The following AMPH variants were observed in gnomAD, a reference collection of about 807,000 sequenced individuals.
AMPH encodes the protein amphiphysin.
AMPH carries 49 observed loss-of-function variants against 99.1 expected under a neutral mutation model. That is an observed-to-expected ratio of 0.49 (90% CI 0.39 to 0.63). The LOEUF is 0.63. Among genes scored for constraint, AMPH ranks in the 20% least tolerant of loss-of-function variants. AMPH has a pLI of 0.00. For missense variants in AMPH, 759 were observed against 863.4 expected (o/e 0.88, Z 1.52); for synonymous variants, 314 against 317.3 (o/e 0.99, Z 0.11).
intron 4 of AMPH, among the ~76,000 whole-genome samples, chr7:38,492,613 C>T (rs1028080377): frequency 6.6e-5 from 10 of 152,192 alleles, no homozygotes; most frequent in Non-Finnish European, 1.5e-4. Flanking sequence ...AAAGGCTCAA[C>T]TGCTGACGTG....
chr7:38,452,541 T>G, intron 11 of AMPH, among the ~76,000 whole-genome samples: 1 of 152,252 alleles, frequency 6.6e-6, no homozygotes, highest in East Asian at 1.9e-4. Flanking sequence ...TAAGCACTCA[T>G]GTGTATGTGT....
At chr7:38,453,342 T>C (rs960123250) in intron 11 of AMPH, among the ~76,000 whole-genome samples, 1 of 152,156 alleles carries the variant, frequency 6.6e-6, no homozygotes, top group Non-Finnish European at 1.5e-5. Flanking sequence ...CCCAGCAGCC[T>C]TGGGGTTATG....
chr7:38,619,434 C>T (rs1256305826), intron 1 of AMPH, among the ~76,000 whole-genome samples: 5 of 152,184 alleles, frequency 3.3e-5, no homozygotes, highest in Admixed American at 2.6e-4. Flanking sequence ...AAGAAATAGA[C>T]AATTCAACAA....
intron 1 of AMPH, among the ~76,000 whole-genome samples, chr7:38,630,404 G>A (rs1228644833): frequency 6.6e-6 from 1 of 152,172 alleles, no homozygotes; most frequent in East Asian, 1.9e-4. Flanking sequence ...GGCTGTGCTT[G>A]CTACGGACCT....
At chr7:38,422,532 A>G (rs567854732) in intron 15 of AMPH, 55 bp from the exon 16 acceptor site, 3 of 1,369,098 alleles carry the variant, frequency 2.2e-6, no homozygotes, top group African/African-American at 2.9e-5. Flanking sequence ...TAAATCAGCT[A>G]CCATCAATTG....
intron 17 of AMPH, among the ~76,000 whole-genome samples, chr7:38,401,240 C>T (rs1192111483): frequency 6.6e-6 from 1 of 152,158 alleles, no homozygotes; most frequent in Non-Finnish European, 1.5e-5. Flanking sequence ...AAATACTAAA[C>T]ACTGCTCTAT....
At chr7:38,592,304 C>T (rs1176255707) in intron 1 of AMPH, among the ~76,000 whole-genome samples, 2 of 152,152 alleles carry the variant, frequency 1.3e-5, no homozygotes, top group South Asian at 4.1e-4. Context: ...AGTTTTGGGG[C>T]CAGTTTATGG....
intron 2 of AMPH, among the ~76,000 whole-genome samples, chr7:38,516,538 G>A (rs1190080042): frequency 6.6e-6 from 1 of 152,204 alleles, no homozygotes; most frequent in Non-Finnish European, 1.5e-5. Context: ...CCTGGTCCAG[G>A]CAGAATTTTG....
In AMPH at chr7:38,429,673, C is replaced by T. The variant is rs951766899; in HGVS notation, c.1182+169G>A. 9.9e-6 allele frequency: 13 copies of T among 1,310,656 alleles called. No individual in the cohort carries two copies. In the African/African-American group the frequency reaches 1.6e-4, roughly 17 times the overall value. 81.2% of individuals were successfully genotyped at this position (1,310,656 alleles called of 1,614,324 possible). A position where few individuals can be genotyped will look rare whatever the true frequency, so the allele number is the denominator to read the frequency against. On this transcript the variant is annotated intron_variant, in intron 14 of 20. Coordinates refer to ENST00000356264, the MANE Select transcript of AMPH (RefSeq NM_001635.4). ...GATGAGAAACACAAAGCTCTTCAGG[C>T]GAGTAGCACCAGTAAAACCAAACTG...
chr7:38,418,289 C>T (rs934945891), intron 16 of AMPH, among the ~76,000 whole-genome samples: 1 of 151,430 alleles, frequency 6.6e-6, no homozygotes, highest in Non-Finnish European at 1.5e-5. Context: ...TGCTATTTTC[C>T]AGAGAGAGAG....
chr7:38,486,573 C>T (rs73120287), intron 5 of AMPH, among the ~76,000 whole-genome samples: 3,936 of 152,136 alleles, frequency 0.026, 74 homozygotes, highest in Admixed American at 0.054. Context: ...GAGAACACTT[C>T]AAACCTCATT....
At chr7:38,575,007 T>C (rs565461553) in intron 1 of AMPH, among the ~76,000 whole-genome samples, 1 of 144,936 alleles carries the variant, frequency 6.9e-6, no homozygotes, top group Non-Finnish European at 1.5e-5. Context: ...TGAGCCAAGA[T>C]TGCGCCACTG....
intron 1 of AMPH, among the ~76,000 whole-genome samples, chr7:38,574,247 T>C (rs1212241152): frequency 4.6e-5 from 7 of 152,196 alleles, no homozygotes; most frequent in Non-Finnish European, 1.0e-4. Flanking sequence ...GATGAAGCAG[T>C]CTGTTATTCC....
chr7:38,473,855 T>C (rs1407231649), intron 7 of AMPH, among the ~76,000 whole-genome samples: 1 of 151,370 alleles, frequency 6.6e-6, no homozygotes, highest in Non-Finnish European at 1.5e-5. Context: ...ACTAAATAAA[T>C]TCAAATCATA....
At chr7:38,484,109 T>C (rs1314928729) in intron 5 of AMPH, among the ~76,000 whole-genome samples, 1 of 151,912 alleles carries the variant, frequency 6.6e-6, no homozygotes, top group Non-Finnish European at 1.5e-5. Flanking sequence ...TGAAAACAGT[T>C]TAAGGGATTT....
chr7:38,413,214 C>A (rs975173027), intron 17 of AMPH, among the ~76,000 whole-genome samples: 1 of 152,112 alleles, frequency 6.6e-6, no homozygotes, highest in East Asian at 1.9e-4. Context: ...TCATGGGAAA[C>A]TTTTAAGGTG....
intron 2 of AMPH, among the ~76,000 whole-genome samples, chr7:38,520,245 C>T (rs1789906012): frequency 6.6e-6 from 1 of 152,168 alleles, no homozygotes; most frequent in Non-Finnish European, 1.5e-5. Context: ...AAACCATCTA[C>T]ATTCCAGGAA....
chr7:38,584,865 A>C (rs1305443598), intron 1 of AMPH, among the ~76,000 whole-genome samples: 1 of 152,206 alleles, frequency 6.6e-6, no homozygotes, highest in Non-Finnish European at 1.5e-5. Context: ...TCGGGCTTGA[A>C]TCCAGTGTGC....
chr7:38,570,088 A>T (rs1192096840), intron 1 of AMPH, among the ~76,000 whole-genome samples: 3 of 152,182 alleles, frequency 2.0e-5, no homozygotes, highest in Non-Finnish European at 4.4e-5. Context: ...TGCCTTAACG[A>T]GTCCTGGAAT....
Sources: gnomAD v4.1 joint callset for allele counts (sites outside exome capture counted in the v4.1 genomes callset) on GRCh38, gnomAD v4.1.1 for gene constraint, MANE v1.5 for transcripts, NCBI Gene and HGNC (gene_info 2026-07-23, HGNC 2026-07-21) for gene names.